Variants in ABI2 observed in about 807,000 individuals in gnomAD.
ABI2 encodes abl interactor 2, also known as abelson interactor 2.
A neutral mutation model predicts 59.2 loss-of-function variants in ABI2; 25 were observed. That is an observed-to-expected ratio of 0.42 (90% CI 0.31 to 0.59). ABI2 has a LOEUF of 0.59. ABI2 is among the 20% of genes least tolerant of loss of function. The pLI, the probability that ABI2 is intolerant of heterozygous loss-of-function variation, is 0.14. For missense variants in ABI2, 545 were observed against 681.8 expected (o/e 0.80, Z 2.23); for synonymous variants, 213 against 235.5 (o/e 0.90, Z 0.87).
At chr2:203,378,312 C>T (rs939970438) in intron 2 of ABI2, among the ~76,000 whole-genome samples, 5 of 152,170 alleles carry the variant, frequency 3.3e-5, no homozygotes, top group South Asian at 4.2e-4. Context: ...GGGGTTTCAC[C>T]GTGTTAGCCA....
At chr2:203,359,221 T>G (rs192123859) in intron 1 of ABI2, among the ~76,000 whole-genome samples, 1 of 152,314 alleles carries the variant, frequency 6.6e-6, no homozygotes, top group African/African-American at 2.4e-5. Context: ...CTATGACAGA[T>G]TAAGGTTTTT....
chr2:203,415,657 A>T (rs1355165885), intron 10 of ABI2, among the ~76,000 whole-genome samples: 1 of 151,554 alleles, frequency 6.6e-6, no homozygotes, highest in Non-Finnish European at 1.5e-5. Context: ...ATTTAATTCA[A>T]TTCGTAGGCT....
intron 2 of ABI2, among the ~76,000 whole-genome samples, chr2:203,370,510 T>A (rs1303422374): frequency 6.6e-6 from 1 of 152,240 alleles, no homozygotes; most frequent in Non-Finnish European, 1.5e-5. Flanking sequence ...GTTAAAACTA[T>A]TCTTAGCTTC....
chr2:203,394,935 A>G, intron 6 of ABI2, 89 bp downstream of exon 6: 1 of 1,440,520 alleles, frequency 6.9e-7, no homozygotes, highest in East Asian at 2.3e-5. Context: ...TTTTCCAAGC[A>G]CTAAGTTCTT....
chr2:203,342,991 C>A (rs150461489), intron 1 of ABI2, among the ~76,000 whole-genome samples: 55 of 152,118 alleles, frequency 3.6e-4, no homozygotes, highest in African/African-American at 1.3e-3. Context: ...GTAAATAATA[C>A]AGTCTATACC....
intron 1 of ABI2, among the ~76,000 whole-genome samples, chr2:203,345,880 T>C (rs1210845206): frequency 2.0e-5 from 3 of 151,666 alleles, no homozygotes; most frequent in African/African-American, 4.8e-5. Context: ...GTTTTGCTTT[T>C]GACAAAAATT....
intron 9 of ABI2, among the ~76,000 whole-genome samples, chr2:203,408,723 C>T: frequency 6.6e-6 from 1 of 151,794 alleles, no homozygotes; most frequent in Non-Finnish European, 1.5e-5. Flanking sequence ...AGAAGAGGAG[C>T]ATTTCATCTT....
At chr2:203,420,219 G>A (rs898682388) in intron 11 of ABI2, among the ~76,000 whole-genome samples, 1 of 152,154 alleles carries the variant, frequency 6.6e-6, no homozygotes, top group Non-Finnish European at 1.5e-5. Context: ...TACAGTTTAT[G>A]AGCATTAAGT....
In ABI2 at chr2:203,372,839, G is replaced by A. The variant is rs537782661; in HGVS notation, c.285+5795G>A. ...CTCCTCACCTCCCAGACGGGGTCGC[G>A]GCTGGGCGCCCTCATATCCCAGACG... is the stretch of plus-strand genomic sequence containing the variant. On this transcript the variant is annotated intron_variant, in intron 2 of 11. Transcript: ENST00000261018. Among the ~76,000 whole-genome samples the A allele has an allele frequency of 2.0e-5, 3 of 151,816 alleles. No homozygotes were observed. The South Asian group carries it at 6.2e-4, about 32-fold the overall frequency.
intron 2 of ABI2, 49 bp from the exon 3 acceptor site, chr2:203,380,159 A>G: frequency 8.4e-7 from 1 of 1,192,868 alleles, no homozygotes; most frequent in Non-Finnish European, 1.2e-6. Flanking sequence ...ATTTTTGTGG[A>G]TATTAGAACT....
In ABI2 at chr2:203,416,982, C is replaced by T. The variant is rs1387067296; in HGVS notation, c.1354C>T (p.Pro452Ser). 2 of 1,614,004 alleles carry T rather than the reference C, an allele frequency of 1.2e-6. No homozygotes were observed. The highest frequency in any genetic ancestry group is 2.2e-5 in the East Asian group (1 of 44,880). The change falls in exon 11 of 12, where the codon CCA becomes TCA. Residue 452 changes from proline (P) to serine (S), a missense_variant. By Grantham distance (74) the Pro-to-Ser change is moderately conservative (BLOSUM62 -1). Coordinates refer to ENST00000261018, the MANE Select transcript of ABI2 (RefSeq NM_001375670.1). Reference sequence around the variant, plus strand: ...TGAGTCTCCCCCACCTCCTCCTCCTCCAGAAGATTACGAAGAGGAGGAAGC... The same window carrying T: ...TGAGTCTCCCCCACCTCCTCCTCCTTCAGAAGATTACGAAGAGGAGGAAGC... ...FDESPPPPPPPEDYEEEEAAV... is the reference protein window; with the variant it reads ...FDESPPPPPPSEDYEEEEAAV...
intron 2 of ABI2, among the ~76,000 whole-genome samples, chr2:203,371,941 A>T (rs4588167): frequency 0.92 from 139,151 of 151,226 alleles, 64,258 homozygotes; most frequent in Non-Finnish European, 0.96. Flanking sequence ...TTATTTATTT[A>T]TTTTTAATTG....
intron 1 of ABI2, among the ~76,000 whole-genome samples, chr2:203,360,251 T>G (rs966886067): frequency 2.0e-5 from 3 of 150,752 alleles, no homozygotes; most frequent in Non-Finnish European, 3.0e-5. Context: ...GTTAATGTGG[T>G]CTATTTTATT....
chr2:203,359,080 T>C (rs2092926385), intron 1 of ABI2, among the ~76,000 whole-genome samples: 1 of 152,116 alleles, frequency 6.6e-6, no homozygotes, highest in South Asian at 2.1e-4. Flanking sequence ...TTGAACAAAA[T>C]CACTGTGGGC....
At chr2:203,389,739 G>A (rs1012301916) in intron 4 of ABI2, among the ~76,000 whole-genome samples, 3 of 152,190 alleles carry the variant, frequency 2.0e-5, no homozygotes, top group Non-Finnish European at 4.4e-5. Context: ...ATGAACCTGT[G>A]TGGTGAACAT....
At position 203,396,964 on chromosome 2, in the gene ABI2, A is replaced by G. The variant is rs1194551461; in HGVS notation, c.1030A>G (p.Thr344Ala). The change falls in exon 8 of 12, where the codon ACA becomes GCA. Residue 344 changes from threonine (T) to alanine (A), a missense_variant. Coordinates refer to ENST00000261018, the MANE Select transcript of ABI2 (RefSeq NM_001375670.1). The part of the protein sequence containing the change: ...TPPVVSSTPP[T>A]GHPVQFYSMN... ...CCCTGTTGTTTCTTCCACTCCCCCT[A>G]CAGGTAAGTATTTGCTTATTCATTG... 4.7e-6 allele frequency: 7 copies of G among 1,493,608 alleles called. No individual in the cohort carries two copies. The highest frequency in any genetic ancestry group is 2.6e-5 in the East Asian group (1 of 38,256). The allele number at this position is 1,493,608 out of a possible 1,614,324, so 92.5% of individuals were successfully genotyped here.
At position 203,380,296 on chromosome 2, in the gene ABI2, T is replaced by G; in HGVS notation, c.374T>G (p.Ile125Ser). 6.2e-7 allele frequency: 1 copy of G among 1,610,340 alleles called. No individual in the cohort carries two copies. The highest frequency in any genetic ancestry group is 8.5e-7 in the Non-Finnish European group (1 of 1,178,544). ...AACACTTCAAGGACACATAAGATTA[T>G]TGCTCCAGCCAACCTTGAACGACCA... The part of the protein sequence containing the change: ...NKNTSRTHKI[I>S]APANLERPVR... Residue 125 changes from isoleucine to serine, a missense_variant, in exon 3 of 12, where the codon ATT becomes AGT. Coordinates refer to ENST00000261018, the MANE Select transcript of ABI2 (RefSeq NM_001375670.1).
intron 8 of ABI2, among the ~76,000 whole-genome samples, chr2:203,401,923 T>G (rs1272622976): frequency 1.3e-5 from 2 of 152,250 alleles, no homozygotes; most frequent in African/African-American, 4.8e-5. Flanking sequence ...ATTTTAGTTT[T>G]CAGTGTTCAG....
chr2:203,344,567 GTTTT>G (rs56966940), intron 1 of ABI2, among the ~76,000 whole-genome samples: 1 of 144,028 alleles, frequency 6.9e-6, no homozygotes. Flanking sequence ...TGTTGTTTTT[GTTTT>G]TTTTTTTTGA....
Sources: gnomAD v4.1 joint callset for allele counts (sites outside exome capture counted in the v4.1 genomes callset) on GRCh38, gnomAD v4.1.1 for gene constraint, MANE v1.5 for transcripts, NCBI Gene and HGNC (gene_info 2026-07-23, HGNC 2026-07-21) for gene names.